Variants in LINGO1 observed in about 807,000 individuals in gnomAD.
The protein encoded by LINGO1 is leucine-rich repeat and immunoglobulin-like domain-containing nogo receptor-interacting protein 1.
LINGO1 carries 11 observed loss-of-function variants against 37.3 expected under a neutral mutation model. That is an observed-to-expected ratio of 0.29 (90% CI 0.19 to 0.49). LINGO1 has a LOEUF of 0.49. LINGO1 is among the 20% of genes least tolerant of loss of function. LINGO1 has a pLI of 0.99. For synonymous variants in LINGO1, 387 were observed against 403.0 expected, an observed-to-expected ratio of 0.96 and a Z score of 0.48; for missense variants, 585 against 878.2, an observed-to-expected ratio of 0.67 and a Z score of 4.22.
intron 3 of LINGO1, chr15:77,667,549 AG>A (rs1169977949): frequency 6.6e-6 from 1 of 152,340 alleles, no homozygotes; most frequent in Non-Finnish European, 1.5e-5. Flanking sequence ...TCTCTTGCTC[AG>A]CCCCGCTGAG....
At chr15:77,665,329 C>A (rs1433994678) in intron 3 of LINGO1, among the ~76,000 whole-genome samples, 1 of 152,200 alleles carries the variant, frequency 6.6e-6, no homozygotes, top group Admixed American at 6.5e-5. Flanking sequence ...ACGCTTTGCC[C>A]TGTACCCTGA....
chr15:77,766,316 A>AAAC (rs2076529160), intron 1 of LINGO1, among the ~76,000 whole-genome samples: 1 of 146,394 alleles, frequency 6.8e-6, no homozygotes, highest in Non-Finnish European at 1.5e-5. Context: ...AAAAAAAAAA[A>AAAC]ACACACAAAC....
chr15:77,772,967 G>A (rs1048103478), intron 1 of LINGO1, among the ~76,000 whole-genome samples: 17 of 152,174 alleles, frequency 1.1e-4, no homozygotes, highest in African/African-American at 3.4e-4. Context: ...CCTACCATCC[G>A]TCAAGCTACT....
chr15:77,800,165 A>C (rs1453313664), intron 1 of LINGO1, among the ~76,000 whole-genome samples: 9 of 152,180 alleles, frequency 5.9e-5, no homozygotes, highest in Admixed American at 5.9e-4. Context: ...TCTTCCAGAG[A>C]GAGAACCAGG....
chr15:77,666,848 G>A (rs2075140831), intron 3 of LINGO1: 1 of 152,316 alleles, frequency 6.6e-6, no homozygotes, highest in Admixed American at 6.5e-5. Context: ...AGCAGCCCCA[G>A]ACTAGGCATG....
intron 2 of LINGO1, among the ~76,000 whole-genome samples, chr15:77,702,442 C>A (rs1244206481): frequency 6.6e-6 from 1 of 152,152 alleles, no homozygotes; most frequent in Non-Finnish European, 1.5e-5. Context: ...CCACCCTCCA[C>A]CCCAGGGGCC....
intron 1 of LINGO1, among the ~76,000 whole-genome samples, chr15:77,755,315 T>C (rs1378894241): frequency 6.6e-6 from 1 of 152,236 alleles, no homozygotes; most frequent in Non-Finnish European, 1.5e-5. Flanking sequence ...GAGGGAACTC[T>C]GGGGTCAACA....
At chr15:77,652,203 CTA>C (rs1053027812) in intron 3 of LINGO1, 21 of 152,206 alleles carry the variant, frequency 1.4e-4, no homozygotes, top group African/African-American at 5.1e-4. Context: ...ATGGGATAGA[CTA>C]TGCCTCACAG....
chr15:77,658,138 G>A (rs1437799271), intron 3 of LINGO1, among the ~76,000 whole-genome samples: 1 of 152,176 alleles, frequency 6.6e-6, no homozygotes, highest in Non-Finnish European at 1.5e-5. Context: ...GGTGAGGACT[G>A]TGACACTTCC....
chr15:77,697,652 C>T (rs1244244292), upstream of LINGO1, among the ~76,000 whole-genome samples: 2 of 152,160 alleles, frequency 1.3e-5, no homozygotes, highest in South Asian at 2.1e-4. Flanking sequence ...ACACCCTGAG[C>T]AGGGTGTGGG....
chr15:77,797,371 T>G (rs1449096005), intron 1 of LINGO1, among the ~76,000 whole-genome samples: 1 of 152,184 alleles, frequency 6.6e-6, no homozygotes, highest in Non-Finnish European at 1.5e-5. Flanking sequence ...TGCAGACAAA[T>G]GTTTTCATTT....
chr15:77,779,132 TCTC>T (rs1226350284), intron 1 of LINGO1, among the ~76,000 whole-genome samples: 1 of 152,042 alleles, frequency 6.6e-6, no homozygotes, highest in Non-Finnish European at 1.5e-5. Flanking sequence ...TACCTAAAAG[TCTC>T]CTTCTCAGAG....
intron 3 of LINGO1, among the ~76,000 whole-genome samples, chr15:77,674,868 G>A (rs1297985617): frequency 6.6e-6 from 1 of 151,756 alleles, no homozygotes; most frequent in East Asian, 1.9e-4. Context: ...CCTTGGAGCA[G>A]GTATATTTCG....
intron 3 of LINGO1, among the ~76,000 whole-genome samples, chr15:77,668,834 CACAG>C (rs2075193475): frequency 6.8e-6 from 1 of 148,148 alleles, no homozygotes; most frequent in East Asian, 1.9e-4. Context: ...CACACACACA[CACAG>C]AGCATCTTAG....
At chr15:77,726,450 T>A (rs1567549506) in intron 2 of LINGO1, among the ~76,000 whole-genome samples, 1 of 152,220 alleles carries the variant, frequency 6.6e-6, no homozygotes, top group African/African-American at 2.4e-5. Flanking sequence ...ACAAGTCCTG[T>A]CCTCATTAGG....
chr15:77,664,473 C>T (rs1165275389), intron 3 of LINGO1, among the ~76,000 whole-genome samples: 3 of 152,024 alleles, frequency 2.0e-5, no homozygotes, highest in Non-Finnish European at 4.4e-5. Context: ...CATCTCCTTT[C>T]GAGGCAACGT....
At chr15:77,716,275 T>C (rs2075983162) in intron 2 of LINGO1, among the ~76,000 whole-genome samples, 1 of 122,016 alleles carries the variant, frequency 8.2e-6, no homozygotes, top group African/African-American at 2.8e-5. Context: ...TTTCTTCTTC[T>C]TCTTCTTTTT....
At chr15:77,668,973 C>T (rs987241623) in intron 3 of LINGO1, among the ~76,000 whole-genome samples, 1 of 152,260 alleles carries the variant, frequency 6.6e-6, no homozygotes, top group Non-Finnish European at 1.5e-5. Flanking sequence ...GCAGCAGCAA[C>T]TAGACGCTGG....
intron 1 of LINGO1, among the ~76,000 whole-genome samples, chr15:77,743,259 C>T (rs568358734): frequency 1.7e-4 from 26 of 152,252 alleles, no homozygotes; most frequent in African/African-American, 3.4e-4. Context: ...ACACCTTCAC[C>T]GGGAACCCAC....
Sources: allele counts gnomAD v4.1 joint callset (sites outside exome capture counted in the v4.1 genomes callset), GRCh38; gene constraint gnomAD v4.1.1; transcripts MANE v1.5; gene names NCBI Gene and HGNC (gene_info 2026-07-23, HGNC 2026-07-21).